FRAS1: variants seen among roughly 807,000 people sequenced by gnomAD.
FRAS1 encodes extracellular matrix organizing protein FRAS1.
Under a neutral mutation model 435.2 loss-of-function variants are expected in FRAS1, and 290 were observed. The observed-to-expected ratio is 0.67, with a 90% confidence interval of 0.61 to 0.73. The LOEUF is 0.73. Ranked by LOEUF, FRAS1 falls within the 30% of genes least tolerant of loss-of-function variation. The pLI is 0.00. For missense variants in FRAS1, 4,860 were observed against 5,001.5 expected, an observed-to-expected ratio of 0.97 and a Z score of 0.85; for synonymous variants, 1,800 against 1,851.0, an observed-to-expected ratio of 0.97 and a Z score of 0.71.
intron 26 of FRAS1, 62 bp from the exon 27 acceptor site, chr4:78,379,664 G>C (rs1365366856): frequency 6.7e-7 from 1 of 1,499,990 alleles, no homozygotes; most frequent in Non-Finnish European, 9.1e-7. Context: ...CAAAATAAGG[G>C]GAAAGTGACC....
chr4:78,421,673 C>T (rs1321044760), intron 33 of FRAS1, among the ~76,000 whole-genome samples, 190 bp from the exon 34 acceptor site: 2 of 152,172 alleles, frequency 1.3e-5, no homozygotes, highest in African/African-American at 4.8e-5. Context: ...TCAGTCAATA[C>T]TCATTTGGGT....
intron 2 of FRAS1, among the ~76,000 whole-genome samples, chr4:78,236,064 G>A (rs538115282): frequency 1.3e-5 from 2 of 152,322 alleles, no homozygotes; most frequent in East Asian, 1.9e-4. Flanking sequence ...CATCTCTGAG[G>A]TGCTGAGACT....
intron 2 of FRAS1, among the ~76,000 whole-genome samples, chr4:78,103,868 G>A (rs945287694): frequency 2.0e-5 from 3 of 152,164 alleles, no homozygotes; most frequent in Non-Finnish European, 2.9e-5. Flanking sequence ...TGTTATAGCG[G>A]CCTAAATGGA....
chr4:78,091,978 C>CAAAAAAA (rs34804542), intron 2 of FRAS1, among the ~76,000 whole-genome samples: 3 of 83,722 alleles, frequency 3.6e-5, no homozygotes, highest in African/African-American at 1.0e-4. Flanking sequence ...GAGACTGTCT[C>CAAAAAAA]AAAAAAAAAA....
In FRAS1 at chr4:78,519,392, A is replaced by C. The variant is rs766310018; in HGVS notation, c.10451A>C (p.Tyr3484Ser). 3.7e-6 allele frequency: 6 copies of C among 1,609,984 alleles called. No individual in the cohort carries two copies. Among genetic ancestry groups the C allele is most frequent in the Non-Finnish European group, 4.2e-6 (5 of 1,178,604 alleles). ...GTGCCTCTATATGTGTCCTACATCT[A>C]TGTGACAGCCCCCAGGGGCTGGGCC... ...VHVPLYVSYI[Y>S]VTAPRGWASL... Residue 3484 changes from tyrosine (Y) to serine (S), a missense_variant, in exon 67 of 74, where the codon TAT becomes TCT. Coordinates refer to ENST00000512123, the MANE Select transcript of FRAS1 (RefSeq NM_025074.7).
At chr4:78,159,410 G>A (rs1721041600) in intron 2 of FRAS1, among the ~76,000 whole-genome samples, 1 of 152,170 alleles carries the variant, frequency 6.6e-6, no homozygotes, top group Non-Finnish European at 1.5e-5. Context: ...AACAATATAA[G>A]ATAGGGCTTT....
intron 20 of FRAS1, among the ~76,000 whole-genome samples, chr4:78,356,920 T>C (rs1241484645): frequency 6.6e-6 from 1 of 152,094 alleles, no homozygotes; most frequent in Non-Finnish European, 1.5e-5. Flanking sequence ...AGATTCCCAA[T>C]TGCCTTTACC....
intron 32 of FRAS1, among the ~76,000 whole-genome samples, chr4:78,415,992 G>A (rs1459032601): frequency 6.6e-6 from 1 of 152,154 alleles, no homozygotes; most frequent in African/African-American, 2.4e-5. Flanking sequence ...GTTCATTGTA[G>A]CATTATTCAC....
intron 2 of FRAS1, among the ~76,000 whole-genome samples, chr4:78,124,711 A>T (rs1285239073): frequency 6.6e-6 from 1 of 152,108 alleles, no homozygotes; most frequent in African/African-American, 2.4e-5. Flanking sequence ...GGGAGGGTGT[A>T]TGTGTCCAGG....
chr4:78,518,799 C>T (rs565508065), intron 66 of FRAS1, among the ~76,000 whole-genome samples: 8 of 152,200 alleles, frequency 5.3e-5, no homozygotes, highest in Admixed American at 3.3e-4. Flanking sequence ...TTCAATGCTC[C>T]GGCCCTTTGT....
chr4:78,200,711 A>C (rs1488035895), intron 2 of FRAS1, among the ~76,000 whole-genome samples: 1 of 151,886 alleles, frequency 6.6e-6, no homozygotes, highest in African/African-American at 2.4e-5. Context: ...CATCAGTTTA[A>C]TGAAATGTCT....
intron 47 of FRAS1, among the ~76,000 whole-genome samples, chr4:78,462,180 G>A (rs530763018): frequency 6.6e-6 from 1 of 152,162 alleles, no homozygotes; most frequent in Non-Finnish European, 1.5e-5. Flanking sequence ...GACCACCCTA[G>A]CCTGGCCAAC....
rs189786827 is a variant in FRAS1 at position 78,273,290 on chromosome 4, T to A, written c.982-5365T>A. ...ACAATTTGACTTCCTCTTTTCCTAA[T>A]TGAACACCCTTTATTTCTTTCTCCT... On this transcript the variant is annotated intron_variant, in intron 9 of 73. Transcript: ENST00000512123. Among the ~76,000 whole-genome samples, 641 of 152,310 alleles carry A rather than the reference T, an allele frequency of 4.2e-3. 3 individuals carry two copies. The highest frequency in any genetic ancestry group is 0.015 in the African/African-American group (629 of 41,572).
intron 73 of FRAS1, 67 bp downstream of exon 73, chr4:78,539,507 A>G: frequency 1.1e-5 from 15 of 1,308,832 alleles, no homozygotes; most frequent in Non-Finnish European, 1.5e-5. Flanking sequence ...AAAAAAAAAA[A>G]AAGAAGGAGG....
At chr4:78,368,638 G>A (rs974513128) in intron 22 of FRAS1, among the ~76,000 whole-genome samples, 17 of 152,112 alleles carry the variant, frequency 1.1e-4, no homozygotes, top group African/African-American at 3.1e-4. Context: ...CAGCCTAAAA[G>A]ATACAAATGT....
At chr4:78,399,481 C>T (rs1159413294) in intron 29 of FRAS1, among the ~76,000 whole-genome samples, 1 of 152,176 alleles carries the variant, frequency 6.6e-6, no homozygotes, top group Non-Finnish European at 1.5e-5. Flanking sequence ...GGCAGCCTCC[C>T]TAGTCTCCTT....
At chr4:78,331,810 T>C (rs1440247434) in intron 18 of FRAS1, among the ~76,000 whole-genome samples, 1 of 152,190 alleles carries the variant, frequency 6.6e-6, no homozygotes, top group African/African-American at 2.4e-5. Context: ...GACAAATGAA[T>C]GATTGGAGAT....
chr4:78,142,856 A>G (rs908974250), intron 2 of FRAS1, among the ~76,000 whole-genome samples: 1 of 152,168 alleles, frequency 6.6e-6, no homozygotes, highest in Non-Finnish European at 1.5e-5. Context: ...AGTAATAACT[A>G]AAAGAATAGT....
intron 25 of FRAS1, 116 bp downstream of exon 25, chr4:78,374,367 A>T: frequency 3.8e-6 from 4 of 1,059,162 alleles, no homozygotes; most frequent in Non-Finnish European, 5.3e-6. Flanking sequence ...GAAAGCCCAG[A>T]GGGCTTAGCC....
Sources: allele counts gnomAD v4.1 joint callset (sites outside exome capture counted in the v4.1 genomes callset), GRCh38; gene constraint gnomAD v4.1.1; transcripts MANE v1.5; gene names NCBI Gene and HGNC (gene_info 2026-07-23, HGNC 2026-07-21).